NPFFR2: variants seen among roughly 807,000 people sequenced by gnomAD.
NPFFR2 encodes the protein neuropeptide FF receptor 2.
NPFFR2 carries 15 observed loss-of-function variants against 13.1 expected under a neutral mutation model. The ratio of observed to expected loss-of-function variants is 1.15; its 90% CI spans 0.77 to 1.76. NPFFR2 has a LOEUF of 1.76. Among genes scored for constraint, NPFFR2 ranks in the 40% most tolerant of loss-of-function variants. The pLI is 0.00. For synonymous variants in NPFFR2, 190 were observed against 175.7 expected, an observed-to-expected ratio of 1.08 and a Z score of -0.65; for missense variants, 572 against 503.5, an observed-to-expected ratio of 1.14 and a Z score of -1.30.
chr4:72,139,573 T>G (rs575575103), intron 3 of NPFFR2, among the ~76,000 whole-genome samples: 7 of 152,272 alleles, frequency 4.6e-5, no homozygotes, highest in African/African-American at 1.7e-4. Context: ...GATGTAGATG[T>G]GTGGTGTTAT....
chr4:72,139,695 G>C (rs1336640060), intron 3 of NPFFR2, among the ~76,000 whole-genome samples: 1 of 152,166 alleles, frequency 6.6e-6, no homozygotes, highest in Non-Finnish European at 1.5e-5. Context: ...GTAGCATGAT[G>C]CCTACAGCTT....
chr4:72,132,990 T>G (rs1416117071), intron 2 of NPFFR2, among the ~76,000 whole-genome samples: 1 of 152,166 alleles, frequency 6.6e-6, no homozygotes, highest in Non-Finnish European at 1.5e-5. Context: ...GTGGAAGCTC[T>G]TTAGTTTAAT....
chr4:72,134,601 C>T (rs1019208989), intron 2 of NPFFR2, among the ~76,000 whole-genome samples: 1 of 152,120 alleles, frequency 6.6e-6, no homozygotes, highest in Admixed American at 6.5e-5. Context: ...ATCAATTTCT[C>T]TCTTATAAAA....
intron 1 of NPFFR2, among the ~76,000 whole-genome samples, chr4:72,115,138 T>C (rs190819631): frequency 3.0e-4 from 46 of 152,300 alleles, no homozygotes; most frequent in African/African-American, 1.0e-3. Context: ...ATATGTTGTT[T>C]CTAAACTTTT....
At chr4:72,123,567 G>C (rs1301525413) in intron 1 of NPFFR2, among the ~76,000 whole-genome samples, 2 of 152,148 alleles carry the variant, frequency 1.3e-5, no homozygotes, top group East Asian at 3.8e-4. Flanking sequence ...TTACCACCAT[G>C]ATCAAGTTGA....
At chr4:72,058,382 T>G (rs1187219505) in intron 1 of NPFFR2, among the ~76,000 whole-genome samples, 1 of 112,168 alleles carries the variant, frequency 8.9e-6, no homozygotes. Context: ...TCTGAAATTA[T>G]TTCAAAATAA....
Position 72,081,238 on chromosome 4 carries a change from T to C in NPFFR2, c.-7-47347T>C, listed in dbSNP as rs549935573. On this transcript the variant is annotated intron_variant, in intron 1 of 3. Transcript: ENST00000308744. ...TTATTAAAACGATTATTCCCATTTG[T>C]TTCTGTATCATCTGTGGCTGCTTTC... Among the ~76,000 whole-genome samples, 6 of 152,330 alleles carry C rather than the reference T, an allele frequency of 3.9e-5. No individual in the cohort carries two copies. The South Asian group carries it at 1.2e-3, about 32-fold the overall frequency.
chr4:72,063,724 C>T (rs186110907), intron 1 of NPFFR2, among the ~76,000 whole-genome samples: 5 of 152,226 alleles, frequency 3.3e-5, no homozygotes, highest in Admixed American at 2.6e-4. Context: ...GGGCATATGG[C>T]GCATAGAAAT....
intron 1 of NPFFR2, among the ~76,000 whole-genome samples, chr4:72,116,497 G>A (rs780945164): frequency 4.6e-5 from 7 of 151,708 alleles, no homozygotes; most frequent in East Asian, 1.9e-4. Context: ...GGGATCATTC[G>A]TACCCCGAAC....
At chr4:72,121,837 T>C (rs7662953) in intron 1 of NPFFR2, among the ~76,000 whole-genome samples, 10,674 of 152,084 alleles carry the variant, frequency 0.07, 1,131 homozygotes, top group African/African-American at 0.23. Flanking sequence ...GAAGAAACTG[T>C]ATCAACTAAC....
At chr4:72,141,245 G>A (rs1220174282) in intron 3 of NPFFR2, among the ~76,000 whole-genome samples, 3 of 150,218 alleles carry the variant, frequency 2.0e-5, no homozygotes, top group African/African-American at 4.9e-5. Flanking sequence ...AGGGTTTTTT[G>A]TGTCTCTATC....
chr4:72,032,427 C>A (rs569994141), intron 1 of NPFFR2, among the ~76,000 whole-genome samples: 2 of 152,366 alleles, frequency 1.3e-5, no homozygotes, highest in East Asian at 3.9e-4. Flanking sequence ...CCCAGGCTTG[C>A]AGAGCAGGGA....
At chr4:72,049,517 C>T (rs1719479215) in intron 1 of NPFFR2, among the ~76,000 whole-genome samples, 1 of 152,012 alleles carries the variant, frequency 6.6e-6, no homozygotes, top group South Asian at 2.1e-4. Flanking sequence ...CATTGATTTG[C>T]AGAATATGCT....
chr4:72,141,536 G>A (rs1340061851), intron 3 of NPFFR2, among the ~76,000 whole-genome samples: 1 of 152,168 alleles, frequency 6.6e-6, no homozygotes, highest in Non-Finnish European at 1.5e-5. Flanking sequence ...TCATTCAGGA[G>A]CAGGTTGTTC....
chr4:72,060,509 A>G (rs935259970), intron 1 of NPFFR2, among the ~76,000 whole-genome samples: 8 of 152,164 alleles, frequency 5.3e-5, no homozygotes, highest in Admixed American at 3.9e-4. Context: ...ATGAAGAGGT[A>G]GATTCCCTCC....
intron 1 of NPFFR2, among the ~76,000 whole-genome samples, chr4:72,111,978 G>T (rs1389557922): frequency 3.3e-5 from 5 of 152,074 alleles, no homozygotes; most frequent in Admixed American, 6.6e-5. Context: ...CATTTTAGAG[G>T]CTTTGCCTAC....
At chr4:72,057,833 A>G (rs1367194014) in intron 1 of NPFFR2, among the ~76,000 whole-genome samples, 1 of 151,954 alleles carries the variant, frequency 6.6e-6, no homozygotes, top group Non-Finnish European at 1.5e-5. Context: ...AGTAGTACAA[A>G]TGTATATTGC....
rs754399081 is a variant in NPFFR2, at chr4:72,128,680, T to C, written c.89T>C (p.Ile30Thr). The C allele has an allele frequency of 6.2e-7, 1 of 1,613,454 alleles. No individual in the cohort carries two copies. Among genetic ancestry groups the C allele is most frequent in the African/African-American group, 1.3e-5 (1 of 74,942 alleles). ...NDTKHHLYSDINITYVNYYLH... is the reference protein window; with the variant it reads ...NDTKHHLYSDTNITYVNYYLH... ...ACAAAGCATCATCTGTACTCAGATA[T>C]TAATATTACCTATGTGAACTACTAT... is the stretch of plus-strand genomic sequence containing the variant. The change falls in exon 2 of 4, where the codon ATT (isoleucine) becomes ACT (threonine). Residue 30 changes from isoleucine to threonine, a missense_variant. Physicochemically the swap from Ile to Thr is moderately conservative, Grantham distance 89. Coordinates refer to ENST00000308744, the MANE Select transcript of NPFFR2 (RefSeq NM_004885.3).
intron 1 of NPFFR2, among the ~76,000 whole-genome samples, chr4:72,047,673 C>T (rs769890696): frequency 2.0e-5 from 3 of 151,554 alleles, no homozygotes; most frequent in Admixed American, 6.6e-5. Flanking sequence ...CTGTTAAGCC[C>T]GAATATTGTG....
Sources: allele counts gnomAD v4.1 joint callset (sites outside exome capture counted in the v4.1 genomes callset), GRCh38; gene constraint gnomAD v4.1.1; transcripts MANE v1.5; gene names NCBI Gene and HGNC (gene_info 2026-07-23, HGNC 2026-07-21).